KANSL1: variants seen among roughly 807,000 people sequenced by gnomAD.
KANSL1 encodes the protein MLL1/MLL complex subunit KANSL1.
In KANSL1, 22 loss-of-function variants were observed where a neutral mutation model predicts 103.6. That is an observed-to-expected ratio of 0.21 (90% CI 0.15 to 0.30). The LOEUF (loss-of-function observed/expected upper bound fraction) is 0.30. Among genes scored for constraint, KANSL1 ranks in the 10% least tolerant of loss-of-function variants. The pLI is 1.00. For missense variants in KANSL1, 1,337 were observed against 1,399.8 expected, an observed-to-expected ratio of 0.96 and a Z score of 0.72; for synonymous variants, 600 against 527.6, an observed-to-expected ratio of 1.14 and a Z score of -1.88.
At chr17:46,212,755 C>A (rs900353912) in intron 1 of KANSL1, among the ~76,000 whole-genome samples, 3 of 152,150 alleles carry the variant, frequency 2.0e-5, no homozygotes, top group Non-Finnish European at 4.4e-5. Flanking sequence ...TTTAATTTTG[C>A]CAATATATGT....
At chr17:46,106,977 G>C (rs1266090954) in intron 2 of KANSL1, among the ~76,000 whole-genome samples, 1 of 152,192 alleles carries the variant, frequency 6.6e-6, no homozygotes, top group Non-Finnish European at 1.5e-5. Flanking sequence ...GGAAAACTCT[G>C]AAAGATAGAA....
chr17:46,217,808 TGAG>T (rs1426209593), intron 1 of KANSL1, among the ~76,000 whole-genome samples: 1 of 152,212 alleles, frequency 6.6e-6, no homozygotes, highest in African/African-American at 2.4e-5. Flanking sequence ...GCAGATCACC[TGAG>T]GTCAGGAGTT....
chr17:46,155,396 G>A (rs563549221), intron 2 of KANSL1, among the ~76,000 whole-genome samples: 6 of 152,138 alleles, frequency 3.9e-5, no homozygotes, highest in African/African-American at 7.2e-5. Flanking sequence ...GGCCTCAAAT[G>A]ATTCGCCCAC....
At chr17:46,170,307 G>A (rs2532272) in intron 2 of KANSL1, 22,174 of 152,652 alleles carry the variant, frequency 0.15, 2,186 homozygotes, top group Middle Eastern at 0.22. Context: ...ACTGTGCTTG[G>A]AGGCGATGTA....
intron 2 of KANSL1, among the ~76,000 whole-genome samples, chr17:46,102,835 G>A (rs1488596856): frequency 6.6e-6 from 1 of 152,224 alleles, no homozygotes; most frequent in African/African-American, 2.4e-5. Flanking sequence ...TAATGGGGCA[G>A]ATAGATGTTA....
rs143458536 is a variant in KANSL1 at position 46,220,780 on chromosome 17, G to A, written c.-90+2891C>T. ...CAGCTCACTGCAAGCTCCGTCTCCC[G>A]GGCTCAAGCAATTCTCCTGCCTCAG... On this transcript the variant is annotated intron_variant, in intron 1 of 14. Transcript: ENST00000572904. Among the ~76,000 whole-genome samples the A allele has an allele frequency of 2.0e-4, 31 of 152,036 alleles. No individual in the cohort carries two copies. The East Asian group carries it at 4.3e-3, about 21-fold the overall frequency.
At chr17:46,185,522 G>C (rs956764071) in intron 1 of KANSL1, among the ~76,000 whole-genome samples, 2 of 151,742 alleles carry the variant, frequency 1.3e-5, no homozygotes, top group Admixed American at 1.3e-4. Flanking sequence ...TGCACTTCTA[G>C]AAATCTATTC....
intron 2 of KANSL1, among the ~76,000 whole-genome samples, chr17:46,110,830 G>A (rs539775443): frequency 3.2e-4 from 48 of 152,238 alleles, no homozygotes; most frequent in African/African-American, 1.1e-3. Flanking sequence ...GGTCAAGCAT[G>A]GAATAGAGCA....
rs957718067 is a variant in KANSL1, at chr17:46,193,119, G to A, written c.-386C>T. The A allele has an allele frequency of 8.5e-5, 13 of 152,452 alleles. No homozygotes were observed. The highest frequency in any genetic ancestry group is 2.7e-4 in the African/African-American group (11 of 41,432). 9.4% of individuals were successfully genotyped at this position (152,452 alleles called of 1,614,324 possible). ...CCGACGGGGCCCGAGCACGGCTGGA[G>A]ACCGCAGCCCGGCCGGGAGGGCGGG... On this transcript the variant is annotated 5_prime_UTR_variant, in exon 1 of 15. Coordinates refer to ENST00000432791, the MANE Select transcript of KANSL1 (RefSeq NM_015443.4).
chr17:46,209,241 C>G (rs1293608532), intron 1 of KANSL1, among the ~76,000 whole-genome samples: 1 of 151,888 alleles, frequency 6.6e-6, no homozygotes, highest in African/African-American at 2.4e-5. Context: ...ATAAAAAGCT[C>G]GATGCCAAAT....
At position 46,033,110 on chromosome 17, in the gene KANSL1, G is replaced by A. The variant is rs867665726; in HGVS notation, c.2807C>T (p.Thr936Met). Residue 936 changes from threonine to methionine, a missense_variant, in exon 13 of 15, where the codon ACG becomes ATG. Physicochemically the swap from Thr to Met is moderately conservative, Grantham distance 81. This residue lies in a region of KANSL1 where 780 missense variants were observed against 923.4 expected (regional missense o/e 0.84). Coordinates refer to ENST00000432791, the MANE Select transcript of KANSL1 (RefSeq NM_015443.4). ...EMERARWLWT[T>M]SVPPQRRGSR... is the part of the protein sequence containing the mutation. ...GCCCCGCCGCTGGGGTGGCACACTC[G>A]TGGTCCACAGCCACCGTGCCCTCTC... 3.8e-6 allele frequency: 6 copies of A among 1,598,570 alleles called. No individual in the cohort carries two copies. Among genetic ancestry groups the A allele is most frequent in the East Asian group, 4.5e-5 (2 of 44,188 alleles).
intron 2 of KANSL1, chr17:46,169,449 C>A (rs2046170705): frequency 6.6e-6 from 1 of 152,110 alleles, no homozygotes; most frequent in African/African-American, 2.4e-5. Flanking sequence ...ATAATATAAA[C>A]AAAATTGGGA....
At chr17:46,033,518 G>C in intron 11 of KANSL1, 58 bp from the exon 12 acceptor site, 2 of 1,422,884 alleles carry the variant, frequency 1.4e-6, no homozygotes, top group Non-Finnish European at 2.0e-6. Context: ...CTGGGGGCAG[G>C]GTCAAAGTGT....
intron 1 of KANSL1, among the ~76,000 whole-genome samples, chr17:46,205,409 C>T (rs893847182): frequency 6.6e-5 from 10 of 151,926 alleles, no homozygotes; most frequent in Admixed American, 2.6e-4. Flanking sequence ...AAGCCAAGCA[C>T]GATGGCTCAC....
intron 1 of KANSL1, among the ~76,000 whole-genome samples, chr17:46,174,249 A>C (rs185216794): frequency 7.9e-5 from 12 of 152,246 alleles, no homozygotes; most frequent in Admixed American, 3.9e-4. Context: ...CAGTGGTATG[A>C]TCTCAGCTCA....
At chr17:46,176,844 T>C in intron 1 of KANSL1, among the ~76,000 whole-genome samples, 1 of 152,066 alleles carries the variant, frequency 6.6e-6, no homozygotes, top group Non-Finnish European at 1.5e-5. Flanking sequence ...CAGCATAGTG[T>C]AGTTACTAAA....
chr17:46,165,698 A>T (rs1266187353), intron 2 of KANSL1, among the ~76,000 whole-genome samples: 1 of 151,320 alleles, frequency 6.6e-6, no homozygotes, highest in African/African-American at 2.4e-5. Flanking sequence ...TTTGGTAGAG[A>T]CGGGGTTTCA....
intron 4 of KANSL1, among the ~76,000 whole-genome samples, chr17:46,071,267 A>G (rs1224847347): frequency 6.6e-6 from 1 of 152,180 alleles, no homozygotes; most frequent in Non-Finnish European, 1.5e-5. Context: ...TAAACATCAG[A>G]AAGGGACTGT....
chr17:46,039,310 C>A, intron 8 of KANSL1, 95 bp from the exon 9 acceptor site: 1 of 1,174,172 alleles, frequency 8.5e-7, no homozygotes, highest in South Asian at 1.6e-5. Context: ...TAGGCCAACG[C>A]CGTATACCCA....
Sources: allele counts gnomAD v4.1 joint callset (sites outside exome capture counted in the v4.1 genomes callset), GRCh38; gene constraint gnomAD v4.1.1; regional missense constraint gnomAD v4.1.1; transcripts MANE v1.5; gene names NCBI Gene and HGNC (gene_info 2026-07-23, HGNC 2026-07-21).